Variants in KNG1 observed in about 807,000 individuals in gnomAD.
KNG1 encodes kininogen 1.
Under a neutral mutation model 47.8 loss-of-function variants are expected in KNG1, and 23 were observed. The ratio of observed to expected loss-of-function variants is 0.48; its 90% confidence interval spans 0.35 to 0.68. The LOEUF (loss-of-function observed/expected upper bound fraction) is 0.68, where lower values mean the gene tolerates loss of function less well. Ranked by LOEUF, KNG1 falls within the 30% of genes least tolerant of loss-of-function variation. The pLI, the probability that KNG1 is intolerant of heterozygous loss-of-function variation, is 0.01. For missense variants in KNG1, 762 were observed against 790.2 expected (o/e 0.96, Z 0.43); for synonymous variants, 277 against 277.0 (o/e 1.00, Z 0.00).
chr3:186,742,134 C>G lies in KNG1; in HGVS notation c.1738C>G (p.Pro580Ala). 1 of 1,614,084 alleles carries G rather than the reference C, an allele frequency of 6.2e-7. No homozygotes were observed. Among genetic ancestry groups the G allele is most frequent in the Non-Finnish European group, 8.5e-7 (1 of 1,180,014 alleles). The change falls in exon 10 of 10, where the codon CCC (proline) becomes GCC (alanine). Residue 580 changes from proline to alanine, a missense_variant. By Grantham distance (27) the Pro-to-Ala change is conservative. Coordinates refer to ENST00000644859, the MANE Select transcript of KNG1 (RefSeq NM_001102416.3). ...ATMMPPISPA[P>A]IQSDDDWIPD... ...TATGATGCCTCCTATATCACCAGCT[C>G]CCATACAGAGTGATGACGATTGGAT...
At chr3:186,738,846 C>CAAA in intron 7 of KNG1, 3 of 315,456 alleles carry the variant, frequency 9.5e-6, no homozygotes, top group East Asian at 7.5e-5. Context: ...AACTCCATCT[C>CAAA]AAAAAAAAAA....
chr3:186,731,396 T>C (rs894811221), intron 5 of KNG1, 149 bp from the exon 6 acceptor site: 10 of 635,192 alleles, frequency 1.6e-5, no homozygotes, highest in Admixed American at 1.2e-4. Context: ...GTATCTCTTT[T>C]GCAGTAAGAC....
intron 5 of KNG1, among the ~76,000 whole-genome samples, chr3:186,730,683 A>T (rs1267977494): frequency 2.8e-4 from 11 of 39,118 alleles, no homozygotes; most frequent in African/African-American, 8.6e-4. Context: ...AAAAAAAAAA[A>T]ATATATATAT....
At chr3:186,726,305 G>A (rs5030016) in intron 4 of KNG1, among the ~76,000 whole-genome samples, 28,514 of 141,504 alleles carry the variant, frequency 0.2, 2,966 homozygotes, top group South Asian at 0.33. Flanking sequence ...GTTTTTTGAG[G>A]AAGAGTCTTG....
At chr3:186,728,873 G>C (rs373859412) in intron 5 of KNG1, 1 of 152,292 alleles carries the variant, frequency 6.6e-6, no homozygotes, top group South Asian at 2.1e-4. Flanking sequence ...GGCTGTTTTC[G>C]AATTCTTGAT....
chr3:186,722,555 G>C (rs771770282), intron 3 of KNG1, 34 bp downstream of exon 3: 4 of 1,487,288 alleles, frequency 2.7e-6, no homozygotes, highest in African/African-American at 2.8e-5. Flanking sequence ...TGCCCTGGTG[G>C]GAAATTAACC....
intron 4 of KNG1, 56 bp downstream of exon 4, chr3:186,725,316 AC>A: frequency 6.6e-7 from 1 of 1,526,078 alleles, no homozygotes. Context: ...TTAGATCTTT[AC>A]ATTTAAAATG....
Position 186,738,704 on chromosome 3 carries a change from G to C in KNG1, c.931-395G>C, listed in dbSNP as rs866147181. The C allele has an allele frequency of 2.6e-4, 60 of 230,278 alleles. 1 individual carries two copies. Among genetic ancestry groups the C allele is most frequent in the Middle Eastern group, 1.9e-3 (1 of 516 alleles). The allele number at this position is 230,278 out of a possible 1,614,324, so 14.3% of individuals were successfully genotyped here. On this transcript the variant is annotated intron_variant, in intron 7 of 9. Coordinates refer to ENST00000644859, the MANE Select transcript of KNG1 (RefSeq NM_001102416.3). ...TCTACTAAAAATATAAAATTAGCCAGGCGTGGAGGTGGGCAACTGTAATCC... is the reference window on the plus strand; with the variant it reads ...TCTACTAAAAATATAAAATTAGCCACGCGTGGAGGTGGGCAACTGTAATCC...
Position 186,741,968 on chromosome 3 carries a change from G to A in KNG1, c.1572G>A (p.Leu524=). 1 of 1,614,208 alleles carries A rather than the reference G, an allele frequency of 6.2e-7. No individual in the cohort carries two copies. The highest frequency in any genetic ancestry group is 8.5e-7 in the Non-Finnish European group (1 of 1,180,024). Residue 524 remains leucine (L), a synonymous_variant, in exon 10 of 10, where the codon TTG becomes TTA. Coordinates refer to ENST00000644859, the MANE Select transcript of KNG1 (RefSeq NM_001102416.3). Reference sequence around the variant, plus strand: ...ACAATGGTTGGAAAACAGAGCATTTGGCAAGCTCTTCTGAAGACAGTACTA... The same window carrying A: ...ACAATGGTTGGAAAACAGAGCATTTAGCAAGCTCTTCTGAAGACAGTACTA... The part of the protein sequence containing the change: ...GKHNGWKTEH[L]ASSSEDSTTP...
intron 3 of KNG1, 44 bp downstream of exon 3, chr3:186,722,565 C>A (rs2108620586): frequency 7.0e-7 from 1 of 1,425,326 alleles, no homozygotes; most frequent in Non-Finnish European, 9.8e-7. Context: ...GGAAATTAAC[C>A]ATTTCTGTGA....
At chr3:186,733,860 C>T (rs1041213911) in intron 7 of KNG1, among the ~76,000 whole-genome samples, 32 of 152,074 alleles carry the variant, frequency 2.1e-4, no homozygotes, top group Middle Eastern at 3.4e-3. Context: ...CCCAGCTACT[C>T]GGAAGGCTGA....
chr3:186,720,051 T>C, intron 1 of KNG1, 54 bp from the exon 2 acceptor site: 1 of 1,099,868 alleles, frequency 9.1e-7, no homozygotes, highest in Non-Finnish European at 1.4e-6. Context: ...CCACTAGAAT[T>C]ATTTGCTGTT....
intron 3 of KNG1, among the ~76,000 whole-genome samples, chr3:186,724,822 C>CT (rs1412369608): frequency 2.0e-5 from 3 of 151,784 alleles, no homozygotes; most frequent in Non-Finnish European, 4.4e-5. Context: ...CAGCCTCAGC[C>CT]CCCCGAGTAG....
At chr3:186,723,655 C>CT (rs980363262) in intron 3 of KNG1, among the ~76,000 whole-genome samples, 38 of 147,026 alleles carry the variant, frequency 2.6e-4, no homozygotes, top group Admixed American at 6.1e-4. Flanking sequence ...CAATTTCTTT[C>CT]TTTTTTTTTT....
rs1720877750 is a variant in KNG1 at position 186,743,888 on chromosome 3, G to A, written c.*1557G>A. ...AAAGATGGGATAGAATTTAAATAGA[G>A]AAGAATGCCATTTTATCACTCTGCC... On this transcript the variant is annotated 3_prime_UTR_variant, in exon 10 of 10. Coordinates refer to ENST00000644859, the MANE Select transcript of KNG1 (RefSeq NM_001102416.3). 1 of 828,332 alleles carries A rather than the reference G, an allele frequency of 1.2e-6. No homozygotes were observed. Among genetic ancestry groups the A allele is most frequent in the Admixed American group, 1.9e-5 (1 of 52,484 alleles). 51.3% of individuals were successfully genotyped at this position (828,332 alleles called of 1,614,324 possible).
At chr3:186,730,743 C>T (rs923956026) in intron 5 of KNG1, among the ~76,000 whole-genome samples, 5 of 129,774 alleles carry the variant, frequency 3.9e-5, no homozygotes, top group African/African-American at 1.5e-4. Flanking sequence ...TATATATACA[C>T]ATATATATAT....
At chr3:186,725,562 T>TTTTTTTTTTTTTTTTTACA (rs1720339476) in intron 4 of KNG1, among the ~76,000 whole-genome samples, 1 of 142,732 alleles carries the variant, frequency 7.0e-6, no homozygotes, top group Non-Finnish European at 1.5e-5. Flanking sequence ...TTTTTTTTTT[T>TTTTTTTTTTTTTTTTTACA]GAGACAGAGT....
chr3:186,730,316 T>A (rs1720478792), intron 5 of KNG1, among the ~76,000 whole-genome samples: 1 of 152,054 alleles, frequency 6.6e-6, no homozygotes, highest in Non-Finnish European at 1.5e-5. Context: ...TGTTTCTGCT[T>A]TGTAAAATGT....
chr3:186,717,681 C>G lies in KNG1; in HGVS notation c.139C>G (p.Gln47Glu). ...VDAALKKYNS[Q>E]NQSNNQFVLY... ...TGCTGCTCTGAAGAAATATAACAGT[C>G]AAAACCAAAGTAACAACCAGTTTGT... Residue 47 changes from glutamine to glutamate, a missense_variant, in exon 1 of 10, where the codon CAA becomes GAA. Gln to Glu is a conservative substitution (Grantham distance 29). Coordinates refer to ENST00000644859, the MANE Select transcript of KNG1 (RefSeq NM_001102416.3). 1.2e-6 allele frequency: 2 copies of G among 1,613,134 alleles called. No homozygotes were observed. Among genetic ancestry groups the G allele is most frequent in the Non-Finnish European group, 1.7e-6 (2 of 1,179,854 alleles).
Sources: allele counts gnomAD v4.1 joint callset (sites outside exome capture counted in the v4.1 genomes callset), GRCh38; gene constraint gnomAD v4.1.1; transcripts MANE v1.5; gene names NCBI Gene and HGNC (gene_info 2026-07-23, HGNC 2026-07-21).